USP12: variants seen among roughly 807,000 people sequenced by gnomAD.
USP12 encodes the protein ubiquitin carboxyl-terminal hydrolase 12.
USP12 carries 19 observed loss-of-function variants against 45.5 expected under a neutral mutation model. The observed-to-expected ratio is 0.42, with a 90% CI of 0.29 to 0.61. The LOEUF is 0.61. USP12 is among the 20% of genes least tolerant of loss of function. The pLI is 0.22. For missense variants in USP12, 242 were observed against 447.7 expected (o/e 0.54, Z 4.15); for synonymous variants, 149 against 148.8 (o/e 1.00, Z -0.01).
At chr13:27,120,651 G>A (rs1390545730) in intron 1 of USP12, among the ~76,000 whole-genome samples, 2 of 151,360 alleles carry the variant, frequency 1.3e-5, no homozygotes, top group Admixed American at 6.6e-5. Flanking sequence ...CTGCTCTGGA[G>A]CCTTCATAGG....
intron 1 of USP12, chr13:27,117,767 G>A (rs747157676): frequency 3.9e-5 from 20 of 517,956 alleles, no homozygotes; most frequent in Admixed American, 9.7e-5. Flanking sequence ...CAAGGACCTC[G>A]CACAGACAAT....
chr13:27,110,011 G>A (rs1875354113), intron 2 of USP12, among the ~76,000 whole-genome samples: 2 of 151,140 alleles, frequency 1.3e-5, no homozygotes, highest in African/African-American at 4.9e-5. Context: ...ACTTTGTTAG[G>A]TGTGATCATT....
rs765610813 is a variant in USP12 at position 27,116,582 on chromosome 13, C to T, written c.63G>A (p.Ser21=). ...CTGGACCAATCTCTTTCTCTAATGC[C>T]GAAGCATTGGCGCCCTATAAAATGA... ...ASICTMGANA[S]ALEKEIGPEQ... The change falls in exon 2 of 9, where the codon TCG becomes TCA. Residue 21 remains serine (S), a synonymous_variant. Transcript: ENST00000282344. The T allele has an allele frequency of 1.1e-4, 174 of 1,611,952 alleles. No homozygotes were observed. The highest frequency in any genetic ancestry group is 6.0e-4 in the East Asian group (27 of 44,868).
intron 3 of USP12, among the ~76,000 whole-genome samples, chr13:27,102,251 T>TA (rs1353287313): frequency 6.6e-6 from 1 of 152,140 alleles, no homozygotes; most frequent in Non-Finnish European, 1.5e-5. Context: ...ATCACCATCC[T>TA]ATGTTGTATT....
intron 3 of USP12, among the ~76,000 whole-genome samples, chr13:27,103,670 G>C (rs1874986814): frequency 6.7e-6 from 1 of 148,170 alleles, no homozygotes; most frequent in South Asian, 2.1e-4. Context: ...CCAACACTTT[G>C]GGAGACTGAG....
rs192357646 is a variant in USP12 at position 27,129,786 on chromosome 13, C to T, written c.49-13190G>A. ...GAACTTTATTCCATTAATGTAGTTTCGGTCTTTTCAACAACAAGAAAGCAC... is the reference window on the plus strand; with the variant it reads ...GAACTTTATTCCATTAATGTAGTTTTGGTCTTTTCAACAACAAGAAAGCAC... On this transcript the variant is annotated intron_variant, in intron 1 of 8. Coordinates refer to ENST00000282344, the MANE Select transcript of USP12 (RefSeq NM_182488.4). This position sits in a 1 kb window ranked among gnomAD's most constrained non-coding sequence, Gnocchi z 4.0. Among the ~76,000 whole-genome samples, 246 of 152,226 alleles carry T rather than the reference C, an allele frequency of 1.6e-3. No individual in the cohort carries two copies. Among genetic ancestry groups the T allele is most frequent in the Non-Finnish European group, 1.7e-3 (117 of 68,004 alleles).
At chr13:27,095,509 T>A (rs980181147) in intron 4 of USP12, 92 bp downstream of exon 4, 7 of 951,564 alleles carry the variant, frequency 7.4e-6, no homozygotes, top group Non-Finnish European at 1.1e-5. Context: ...ATTACAACTT[T>A]CAAGTTCATC....
chr13:27,097,534 G>A (rs1369737269), intron 3 of USP12, among the ~76,000 whole-genome samples: 2 of 152,202 alleles, frequency 1.3e-5, no homozygotes, highest in Non-Finnish European at 2.9e-5. Flanking sequence ...GAAAGGGAAT[G>A]AGTGAAGCTT....
At chr13:27,094,693 A>G (rs1396562585) in intron 4 of USP12, among the ~76,000 whole-genome samples, 1 of 152,192 alleles carries the variant, frequency 6.6e-6, no homozygotes, top group Non-Finnish European at 1.5e-5. Flanking sequence ...ACATCAGAGA[A>G]ACTAAATATG....
intron 1 of USP12, among the ~76,000 whole-genome samples, chr13:27,128,131 C>T (rs1371073431): frequency 6.6e-6 from 1 of 152,134 alleles, no homozygotes; most frequent in Non-Finnish European, 1.5e-5. Flanking sequence ...AGTCTTTTAA[C>T]TCAGTCAAGA....
chr13:27,170,950 C>G (rs979490189), intron 1 of USP12, among the ~76,000 whole-genome samples: 5 of 152,254 alleles, frequency 3.3e-5, no homozygotes, highest in Admixed American at 2.6e-4. Context: ...CCTTCACACA[C>G]GCCCCTTTCC....
At chr13:27,084,387 T>C (rs1363869232) in intron 6 of USP12, among the ~76,000 whole-genome samples, 3 of 150,052 alleles carry the variant, frequency 2.0e-5, no homozygotes, top group Non-Finnish European at 4.4e-5. Flanking sequence ...ACACCTGTAG[T>C]CCCAGCTACT....
At chr13:27,117,880 C>A in intron 1 of USP12, 5 of 513,112 alleles carry the variant, frequency 9.7e-6, no homozygotes. Flanking sequence ...GCCCTGAGCA[C>A]CATGGTGGGG....
intron 1 of USP12, among the ~76,000 whole-genome samples, chr13:27,123,730 C>T (rs1044094861): frequency 2.6e-5 from 4 of 152,222 alleles, no homozygotes; most frequent in Non-Finnish European, 5.9e-5. Context: ...TGATCTTCTG[C>T]ATTCCACTAT....
intron 1 of USP12, chr13:27,117,829 T>C: frequency 1.9e-6 from 1 of 518,202 alleles, no homozygotes. Flanking sequence ...TGTGCACCTG[T>C]GGTCCCCGAC....
chr13:27,104,888 C>T (rs1177619865), intron 3 of USP12, among the ~76,000 whole-genome samples: 2 of 152,168 alleles, frequency 1.3e-5, no homozygotes, highest in East Asian at 3.8e-4. Flanking sequence ...ATTCAATTTT[C>T]TTTCTACAAT....
intron 1 of USP12, among the ~76,000 whole-genome samples, chr13:27,126,252 C>A (rs933140081): frequency 6.6e-6 from 1 of 152,156 alleles, no homozygotes; most frequent in South Asian, 2.1e-4. Context: ...CAGGCTGGTG[C>A]CCCCTGGGAC....
At chr13:27,111,157 A>C (rs1423818554) in intron 2 of USP12, among the ~76,000 whole-genome samples, 1 of 152,182 alleles carries the variant, frequency 6.6e-6, no homozygotes, top group Non-Finnish European at 1.5e-5. Context: ...ACTTTCATCA[A>C]TCCCATTAAA....
intron 3 of USP12, among the ~76,000 whole-genome samples, chr13:27,103,413 A>T (rs1874961717): frequency 7.3e-6 from 1 of 137,254 alleles, no homozygotes. Context: ...CTTTTCTATT[A>T]AAAAAATGGC....
Sources: allele counts gnomAD v4.1 joint callset (sites outside exome capture counted in the v4.1 genomes callset), GRCh38; gene constraint gnomAD v4.1.1; non-coding constraint Gnocchi (gnomAD v3.1); transcripts MANE v1.5; gene names NCBI Gene and HGNC (gene_info 2026-07-23, HGNC 2026-07-21).